Variants in SAMD5 observed in about 807,000 individuals in gnomAD.
SAMD5 encodes sterile alpha motif domain containing 5, also known as sterile alpha motif domain-containing protein 5.
A neutral mutation model predicts 11.3 loss-of-function variants in SAMD5; 13 were observed. The ratio of observed to expected loss-of-function variants is 1.15; its 90% CI spans 0.75 to 1.83. The LOEUF is 1.83. SAMD5 is among the 40% of genes most tolerant of loss of function. The pLI is 0.00. For missense variants in SAMD5, 255 were observed against 239.1 expected (o/e 1.07, Z -0.44); for synonymous variants, 129 against 111.3 (o/e 1.16, Z -1.00).
chr6:147,597,601 A>G (rs1304763501), intron 1 of SAMD5, among the ~76,000 whole-genome samples: 1 of 152,252 alleles, frequency 6.6e-6, no homozygotes, highest in African/African-American at 2.4e-5. Context: ...GAGAAGAGTC[A>G]TCACATTCTA....
At chr6:147,766,751 G>T in the SAMD5 span, among the ~76,000 whole-genome samples, 1 of 152,090 alleles carries the variant, frequency 6.6e-6, no homozygotes, top group Non-Finnish European at 1.5e-5. Context: ...ATGATAAAGA[G>T]AGTTGACAGA....
At chr6:147,679,045 T>C (rs1790904457) in intron 1 of SAMD5, among the ~76,000 whole-genome samples, 1 of 152,170 alleles carries the variant, frequency 6.6e-6, no homozygotes. Flanking sequence ...TGGATAGATA[T>C]ACCACAATTT....
chr6:147,819,032 G>A, the SAMD5 span, among the ~76,000 whole-genome samples: 1 of 152,152 alleles, frequency 6.6e-6, no homozygotes, highest in African/African-American at 2.4e-5. Flanking sequence ...GCATGCATAT[G>A]TTCATCACAG....
chr6:147,552,393 T>A (rs1325575187), intron 1 of SAMD5, among the ~76,000 whole-genome samples: 1 of 152,206 alleles, frequency 6.6e-6, no homozygotes, highest in Non-Finnish European at 1.5e-5. Context: ...AATGAATTTT[T>A]ATTTTAATGT....
the SAMD5 span, among the ~76,000 whole-genome samples, chr6:147,907,020 C>T: frequency 1.1e-3 from 164 of 152,224 alleles, no homozygotes; most frequent in African/African-American, 3.7e-3. Context: ...TGAGGTCTGC[C>T]GAAGTCTGAT....
the SAMD5 span, among the ~76,000 whole-genome samples, chr6:147,787,507 T>TA: frequency 7.9e-5 from 12 of 152,144 alleles, no homozygotes; most frequent in South Asian, 1.9e-3. Flanking sequence ...AATAGAGCCC[T>TA]AAAAAAAATC....
At chr6:147,563,076 A>G (rs933795017) in intron 1 of SAMD5, among the ~76,000 whole-genome samples, 3 of 152,210 alleles carry the variant, frequency 2.0e-5, no homozygotes, top group African/African-American at 7.2e-5. Context: ...GGATATCGTT[A>G]CTTAGTATTA....
the SAMD5 span, among the ~76,000 whole-genome samples, chr6:147,794,766 T>C: frequency 1.3e-5 from 2 of 152,270 alleles, no homozygotes; most frequent in East Asian, 3.9e-4. Flanking sequence ...ACAATATTTC[T>C]GCCAATGTCC....
intron 1 of SAMD5, among the ~76,000 whole-genome samples, chr6:147,688,653 A>G (rs1325965793): frequency 2.6e-5 from 4 of 152,224 alleles, no homozygotes; most frequent in African/African-American, 9.7e-5. Flanking sequence ...GCAGCTTCTC[A>G]GTTTCCACTC....
chr6:147,577,414 G>A (rs1789232387), intron 1 of SAMD5, among the ~76,000 whole-genome samples: 1 of 152,046 alleles, frequency 6.6e-6, no homozygotes. Flanking sequence ...GCATAGTTTT[G>A]GAGAAACATT....
At chr6:147,908,593 A>G in the SAMD5 span, among the ~76,000 whole-genome samples, 4 of 152,174 alleles carry the variant, frequency 2.6e-5, no homozygotes, top group Non-Finnish European at 4.4e-5. Context: ...GGCTTGTACC[A>G]CTTTGCAGCA....
intron 1 of SAMD5, among the ~76,000 whole-genome samples, chr6:147,521,852 A>G (rs577165005): frequency 6.8e-6 from 1 of 146,696 alleles, no homozygotes; most frequent in East Asian, 2.0e-4. Context: ...CCTTCTTTAA[A>G]TAACAAGAAC....
At chr6:147,919,974 C>A in the SAMD5 span, among the ~76,000 whole-genome samples, 1 of 152,134 alleles carries the variant, frequency 6.6e-6, no homozygotes, top group Non-Finnish European at 1.5e-5. Context: ...CCTTTTATAC[C>A]AACCACTGTG....
the SAMD5 span, among the ~76,000 whole-genome samples, chr6:147,861,739 T>C: frequency 1.3e-5 from 2 of 152,196 alleles, no homozygotes; most frequent in African/African-American, 2.4e-5. Context: ...TTCCATACCC[T>C]GACTTTCCTT....
At chr6:147,598,085 C>CT (rs1444252888) in intron 1 of SAMD5, among the ~76,000 whole-genome samples, 1 of 150,840 alleles carries the variant, frequency 6.6e-6, no homozygotes, top group Non-Finnish European at 1.5e-5. Flanking sequence ...GCCAGGTATT[C>CT]TTTTTTCTTT....
At chr6:147,605,967 T>G (rs995859492) in intron 1 of SAMD5, among the ~76,000 whole-genome samples, 1 of 151,984 alleles carries the variant, frequency 6.6e-6, no homozygotes, top group Non-Finnish European at 1.5e-5. Flanking sequence ...GCACACAAGA[T>G]ACAGCAGATA....
At chr6:147,901,097 A>G in the SAMD5 span, among the ~76,000 whole-genome samples, 10 of 152,328 alleles carry the variant, frequency 6.6e-5, no homozygotes, top group Middle Eastern at 3.4e-3. Context: ...TGAGCGAGTC[A>G]GTTAACATCT....
the SAMD5 span, among the ~76,000 whole-genome samples, chr6:147,950,243 A>G: frequency 6.6e-6 from 1 of 152,206 alleles, no homozygotes; most frequent in East Asian, 1.9e-4. Flanking sequence ...TTTTTAATAT[A>G]TCTCAATCTC....
At chr6:147,715,456 G>A (rs1299236255) in intron 1 of SAMD5, among the ~76,000 whole-genome samples, 1 of 152,208 alleles carries the variant, frequency 6.6e-6, no homozygotes, top group Non-Finnish European at 1.5e-5. Context: ...GTGCCTGGAA[G>A]CTTGGAGATG....
Sources: allele counts gnomAD v4.1 joint callset (sites outside exome capture counted in the v4.1 genomes callset), GRCh38; gene constraint gnomAD v4.1.1; transcripts MANE v1.5; gene names NCBI Gene and HGNC (gene_info 2026-07-23, HGNC 2026-07-21).